Variants in PLS1 observed in about 807,000 individuals in gnomAD.
PLS1 encodes the protein plastin-1.
In PLS1, 32 loss-of-function variants were observed where a neutral mutation model predicts 73.7. That is an observed-to-expected ratio of 0.43 (90% CI 0.33 to 0.58). The LOEUF is 0.58. Among genes scored for constraint, PLS1 ranks in the 20% least tolerant of loss-of-function variants. The pLI is 0.04. For synonymous variants in PLS1, 217 were observed against 261.3 expected (o/e 0.83, Z 1.63); for missense variants, 633 against 740.5 (o/e 0.85, Z 1.68).
chr3:142,675,632 G>A lies in PLS1; in HGVS notation c.365-525G>A, dbSNP rs184722091. Reference sequence around the variant, plus strand: ...GCTCTCTTGACCTCGTGATCTGCCCGTCTCAGCCTCCCAAAGTGCTGGGAT... The same window carrying A: ...GCTCTCTTGACCTCGTGATCTGCCCATCTCAGCCTCCCAAAGTGCTGGGAT... On this transcript the variant is annotated intron_variant, in intron 4 of 15. Transcript: ENST00000457734. Among the ~76,000 whole-genome samples, 10 of 151,738 alleles carry A rather than the reference G, an allele frequency of 6.6e-5. No homozygotes were observed. In the East Asian group the frequency reaches 1.2e-3, roughly 18 times the overall value.
intron 1 of PLS1, chr3:142,654,747 C>T (rs1432781687): frequency 6.6e-6 from 1 of 152,164 alleles, no homozygotes; most frequent in Non-Finnish European, 1.5e-5. Flanking sequence ...TTTGTGCTTC[C>T]AATACACAGC....
chr3:142,616,245 G>A (rs2036214279), intron 1 of PLS1, among the ~76,000 whole-genome samples: 1 of 152,166 alleles, frequency 6.6e-6, no homozygotes, highest in African/African-American at 2.4e-5. Flanking sequence ...AGGAAAAAAT[G>A]CAAGAGCAAA....
chr3:142,606,135 A>G (rs1476130349), intron 1 of PLS1, among the ~76,000 whole-genome samples: 1 of 152,232 alleles, frequency 6.6e-6, no homozygotes, highest in Non-Finnish European at 1.5e-5. Flanking sequence ...CCATTTTTGC[A>G]TGTTAATGTA....
At chr3:142,617,696 G>A (rs1318663256) in intron 1 of PLS1, among the ~76,000 whole-genome samples, 1 of 152,156 alleles carries the variant, frequency 6.6e-6, no homozygotes, top group East Asian at 1.9e-4. Flanking sequence ...TACTACACCT[G>A]GCCGGGCATA....
At chr3:142,662,402 C>T (rs1228088323) in intron 1 of PLS1, among the ~76,000 whole-genome samples, 1 of 152,016 alleles carries the variant, frequency 6.6e-6, no homozygotes, top group Non-Finnish European at 1.5e-5. Context: ...GAACATCACA[C>T]ACCAGGGTCT....
At chr3:142,603,717 C>G (rs1054860207) in intron 1 of PLS1, among the ~76,000 whole-genome samples, 15 of 151,482 alleles carry the variant, frequency 9.9e-5, no homozygotes, top group African/African-American at 3.6e-4. Flanking sequence ...CTGCAGTGAC[C>G]TGAGATTGTG....
At chr3:142,711,430 AGAAGAGTCT>A (rs1933120664) in intron 14 of PLS1, 62 bp from the exon 15 acceptor site, 8 of 1,177,072 alleles carry the variant, frequency 6.8e-6, no homozygotes, top group Non-Finnish European at 9.8e-6. Context: ...TTATATGATC[AGAAGAGTCT>A]GAAAATAATG....
At chr3:142,672,135 A>C (rs187142439) in intron 4 of PLS1, among the ~76,000 whole-genome samples, 160 of 152,194 alleles carry the variant, frequency 1.1e-3, no homozygotes, top group Non-Finnish European at 1.2e-3. Flanking sequence ...TGGCTCAATG[A>C]ATTTTTCCAT....
chr3:142,611,642 G>A (rs1453947391), intron 1 of PLS1, among the ~76,000 whole-genome samples: 2 of 151,916 alleles, frequency 1.3e-5, no homozygotes, highest in Non-Finnish European at 2.9e-5. Flanking sequence ...TTTAAAAATA[G>A]TACGTATATA....
intron 6 of PLS1, among the ~76,000 whole-genome samples, chr3:142,683,689 C>G (rs899871734): frequency 5.3e-5 from 8 of 152,062 alleles, no homozygotes; most frequent in Non-Finnish European, 1.0e-4. Flanking sequence ...CAAATGAGCA[C>G]TTTACAAAAA....
At position 142,695,775 on chromosome 3, in the gene PLS1, T is replaced by C. The variant is rs1367911712; in HGVS notation, c.1256+1228T>C. Among the ~76,000 whole-genome samples the C allele has an allele frequency of 1.0e-4, 11 of 110,208 alleles. 1 individual carries two copies. The highest frequency in any genetic ancestry group is 3.2e-4 in the African/African-American group (11 of 33,896). 72.3% of individuals were successfully genotyped at this position (110,208 alleles called of 152,430 possible). On this transcript the variant is annotated intron_variant, in intron 11 of 15. Transcript: ENST00000457734. ...AAGGAGACTTACTTATTTATTTATTTATTTATTTATTTATTTATTTATTTA... is the reference window on the plus strand; with the variant it reads ...AAGGAGACTTACTTATTTATTTATTCATTTATTTATTTATTTATTTATTTA...
At position 142,711,899 on chromosome 3, in the gene PLS1, CG is replaced by C. The variant is rs1322705951; in HGVS notation, c.1784del (p.Gly595ValfsTer12). The C allele has an allele frequency of 6.2e-7, 1 of 1,613,416 alleles. No homozygotes were observed. The highest frequency in any genetic ancestry group is 8.5e-7 in the Non-Finnish European group (1 of 1,179,548). ...ACGCCATTTCAGTTGCTCGAAAGATCGGTGCCCGGATATATGCATTACCTGA... is the reference window on the plus strand; with the variant it reads ...ACGCCATTTCAGTTGCTCGAAAGATCGTGCCCGGATATATGCATTACCTGA... The part of the protein sequence containing the change: ...KYAISVARKI[G>X]ARIYALPDDL... On this transcript the variant is annotated frameshift_variant, in exon 16 of 16. Coordinates refer to ENST00000457734, the MANE Select transcript of PLS1 (RefSeq NM_001145319.2). LOFTEE classifies it high-confidence loss of function.
chr3:142,689,641 T>C lies in PLS1; in HGVS notation c.1005T>C (p.Ala335=), dbSNP rs563324206. Reference sequence around the variant, plus strand: ...AGGAGACAAATGACCTGAAGCGTGCTGGACTCATGCTTCAAGAAGCAGATA... The same window carrying C: ...AGGAGACAAATGACCTGAAGCGTGCCGGACTCATGCTTCAAGAAGCAGATA... ...GINETNDLKR[A]GLMLQEADKL... is the part of the protein sequence containing the mutation. Residue 335 remains alanine (A), a synonymous_variant, in exon 10 of 16, where the codon GCT becomes GCC. Transcript: ENST00000457734. 3.7e-6 allele frequency: 6 copies of C among 1,607,408 alleles called. No individual in the cohort carries two copies. In the South Asian group the frequency reaches 5.6e-5, roughly 15 times the overall value.
intron 2 of PLS1, among the ~76,000 whole-genome samples, chr3:142,667,624 T>G (rs568301216): frequency 3.9e-5 from 6 of 152,328 alleles, no homozygotes; most frequent in African/African-American, 1.4e-4. Context: ...ACAGAGGGCC[T>G]AGGGATGGAG....
intron 1 of PLS1, among the ~76,000 whole-genome samples, chr3:142,600,550 A>G (rs2035895300): frequency 6.6e-6 from 1 of 152,122 alleles, no homozygotes; most frequent in African/African-American, 2.4e-5. Flanking sequence ...GACAGAAAGC[A>G]GTGCTGCTGA....
chr3:142,629,858 G>A (rs113048296), intron 1 of PLS1, among the ~76,000 whole-genome samples: 3,588 of 152,096 alleles, frequency 0.024, 147 homozygotes, highest in African/African-American at 0.082. Flanking sequence ...GTTTAGCAAC[G>A]TCCCTGGCCT....
chr3:142,678,721 T>C (rs367723032), intron 6 of PLS1, among the ~76,000 whole-genome samples: 2 of 151,732 alleles, frequency 1.3e-5, no homozygotes, highest in Non-Finnish European at 2.9e-5. Flanking sequence ...TGAATACTGC[T>C]GCAATAAACA....
At chr3:142,704,635 A>AT (rs10631186) in intron 14 of PLS1, 49 bp downstream of exon 14, 4,431 of 261,260 alleles carry the variant, frequency 0.017, 131 homozygotes, top group South Asian at 0.032. Flanking sequence ...ATAGGAAGGA[A>AT]TTTTTTTTTT....
intron 14 of PLS1, 49 bp downstream of exon 14, chr3:142,704,635 ATTTTTTTTTT>A (rs10631186): frequency 4.4e-3 from 1,156 of 261,778 alleles, no homozygotes; most frequent in South Asian, 7.9e-3. Context: ...ATAGGAAGGA[ATTTTTTTTTT>A]TTTTTTTTTT....
Sources: allele counts gnomAD v4.1 joint callset (sites outside exome capture counted in the v4.1 genomes callset), GRCh38; gene constraint gnomAD v4.1.1; transcripts MANE v1.5; gene names NCBI Gene and HGNC (gene_info 2026-07-23, HGNC 2026-07-21).